TAOK3: variants seen among roughly 807,000 people sequenced by gnomAD.
TAOK3 encodes TAO kinase 3.
TAOK3 carries 40 observed loss-of-function variants against 120.4 expected under a neutral mutation model. That is an observed-to-expected ratio of 0.33 (90% confidence interval 0.26 to 0.43). TAOK3 has a LOEUF of 0.43. Among genes scored for constraint, TAOK3 ranks in the 20% least tolerant of loss-of-function variants. The pLI, the probability that TAOK3 is intolerant of heterozygous loss-of-function variation, is 1.00. For missense variants in TAOK3, 821 were observed against 1,112.1 expected (o/e 0.74, Z 3.72); for synonymous variants, 355 against 387.5 (o/e 0.92, Z 0.99).
chr12:118,351,783 T>C (rs2045168165), intron 1 of TAOK3, among the ~76,000 whole-genome samples: 4 of 152,002 alleles, frequency 2.6e-5, no homozygotes, highest in African/African-American at 9.6e-5. Context: ...AGGCACTTAA[T>C]TGTACTTAGG....
rs1048516245 is a variant in TAOK3, at chr12:118,201,390, C to T, written c.893G>A (p.Arg298His). The change falls in exon 12 of 21, where the codon CGT becomes CAT. Residue 298 changes from arginine to histidine, a missense_variant. Around this residue, in one of 2 missense-constraint regions of TAOK3, gnomAD observed 467 missense variants for 540.0 expected, o/e 0.86. Transcript: ENST00000392533. ...DLIQRTKDAV[R>H]ELDNLQYRKM... The stretch of plus-strand genomic sequence containing the variant: ...TCGGTACTGTAGGTTATCTAGCTCA[C>T]GAACTGCATCTTTTGTCCTCTGTAT... 4.3e-6 allele frequency: 7 copies of T among 1,614,064 alleles called. No individual in the cohort carries two copies. The highest frequency in any genetic ancestry group is 5.9e-6 in the Non-Finnish European group (7 of 1,179,966).
intron 11 of TAOK3, among the ~76,000 whole-genome samples, chr12:118,202,672 A>T (rs567145643): frequency 1.3e-5 from 2 of 152,278 alleles, no homozygotes; most frequent in African/African-American, 4.8e-5. Flanking sequence ...TCATATAAGT[A>T]ATAAAAAAAT....
At chr12:118,290,168 C>T (rs971131306) in intron 1 of TAOK3, among the ~76,000 whole-genome samples, 1 of 152,094 alleles carries the variant, frequency 6.6e-6, no homozygotes, top group Non-Finnish European at 1.5e-5. Flanking sequence ...CCCTTTAATC[C>T]TCATCATGTA....
rs1174812945 is a variant in TAOK3 at position 118,328,276 on chromosome 12, G to C, written c.-194+44372C>G. Among the ~76,000 whole-genome samples the C allele has an allele frequency of 2.0e-5, 3 of 152,076 alleles. No homozygotes were observed. The South Asian group carries it at 6.2e-4, about 31-fold the overall frequency. ...GGATTTCACCATGTTGGCCAGGCTGGTCTCGAACTCCTGACCTCTAGTGAT... is the reference window on the plus strand; with the variant it reads ...GGATTTCACCATGTTGGCCAGGCTGCTCTCGAACTCCTGACCTCTAGTGAT... On this transcript the variant is annotated intron_variant, in intron 1 of 20. Transcript: ENST00000392533.
At chr12:118,188,953 C>G (rs879685003) in intron 14 of TAOK3, among the ~76,000 whole-genome samples, 4 of 150,690 alleles carry the variant, frequency 2.7e-5, no homozygotes, top group Admixed American at 2.6e-4. Flanking sequence ...TGAGTGTGAG[C>G]GCGCACGCGC....
Position 118,255,524 on chromosome 12 carries a change from A to T in TAOK3, c.44T>A (p.Phe15Tyr). 1.2e-6 allele frequency: 2 copies of T among 1,614,186 alleles called. No homozygotes were observed. The highest frequency in any genetic ancestry group is 1.7e-6 in the Non-Finnish European group (2 of 1,180,028). ...AAGTTCCTCAGGATCATCTTTGTAG[A>T]ATAGATCGGCAATCTCTGGGTCCTT... ...VLKDPEIADLFYKDDPEELFI... is the reference protein window; with the variant it reads ...VLKDPEIADLYYKDDPEELFI... The change falls in exon 3 of 21, where the codon TTC becomes TAC. Residue 15 changes from phenylalanine to tyrosine, a missense_variant. By Grantham distance (22) the Phe-to-Tyr change is conservative. Around this residue, in one of 2 missense-constraint regions of TAOK3, gnomAD observed 467 missense variants for 540.0 expected, o/e 0.86. Coordinates refer to ENST00000392533, the MANE Select transcript of TAOK3 (RefSeq NM_016281.4).
intron 14 of TAOK3, among the ~76,000 whole-genome samples, chr12:118,182,599 GTATATATATA>G (rs1212615187): frequency 1.1e-5 from 1 of 93,918 alleles, no homozygotes; most frequent in South Asian, 4.3e-4. Context: ...GTGTGTGTGT[GTATATATATA>G]TATATATATA....
intron 1 of TAOK3, among the ~76,000 whole-genome samples, chr12:118,272,054 C>T (rs915467698): frequency 5.9e-5 from 9 of 152,098 alleles, no homozygotes; most frequent in Non-Finnish European, 1.2e-4. Context: ...TAATTTTCTT[C>T]GCAAACACTT....
intron 9 of TAOK3, among the ~76,000 whole-genome samples, chr12:118,215,796 G>A (rs1021697233): frequency 6.6e-6 from 1 of 152,092 alleles, no homozygotes; most frequent in Non-Finnish European, 1.5e-5. Flanking sequence ...CACAATCAGG[G>A]CTCACAATAG....
Position 118,308,930 on chromosome 12 carries a change from C to CAA in TAOK3, c.-193-42172_-193-42171insTT, listed in dbSNP as rs1208470509. Among the ~76,000 whole-genome samples the CAA allele has an allele frequency of 1.4e-3, 51 of 36,728 alleles. 1 individual carries two copies. Among genetic ancestry groups the CAA allele is most frequent in the Non-Finnish European group, 1.9e-3 (40 of 20,968 alleles). 24.1% of individuals were successfully genotyped at this position (36,728 alleles called of 152,430 possible). A position where few individuals can be genotyped will look rare whatever the true frequency, so the allele number is the denominator to read the frequency against. Reference sequence around the variant, plus strand: ...GGGGAACAGCAGCGAAACTCTGTCTCCAAAAAAAAAAAAAAAAAAAAAAAA... The same window carrying CAA: ...GGGGAACAGCAGCGAAACTCTGTCTCAACAAAAAAAAAAAAAAAAAAAAAAAA... On this transcript the variant is annotated intron_variant, in intron 1 of 20. Coordinates refer to ENST00000392533, the MANE Select transcript of TAOK3 (RefSeq NM_016281.4).
In TAOK3 at chr12:118,346,221, G is replaced by A. The variant is rs1395114901; in HGVS notation, c.-194+26427C>T. 2.6e-5 allele frequency among the ~76,000 whole-genome samples: 4 copies of A among 152,296 alleles called. No homozygotes were observed. In the East Asian group the frequency reaches 7.7e-4, roughly 29 times the overall value. ...CAGGGACTTCTCACCACTTTGTTGA[G>A]AAGAGGAGAAAGGGTTAAGGGTAAT... On this transcript the variant is annotated intron_variant, in intron 1 of 20. Transcript: ENST00000392533.
In TAOK3 at chr12:118,161,710, G is replaced by A; in HGVS notation, c.2139+78C>T. The A allele has an allele frequency of 6.4e-7, 1 of 1,561,836 alleles. No homozygotes were observed. The highest frequency in any genetic ancestry group is 8.7e-7 in the Non-Finnish European group (1 of 1,148,482). On this transcript the variant is annotated intron_variant, in intron 18 of 20. Transcript: ENST00000392533. This position sits in a 1 kb window ranked among gnomAD's most constrained non-coding sequence, Gnocchi z 4.5. ...GTGCAGAAATTTGTGATTCTGAAAA[G>A]TTGCTCAGGTGACTCTGACACTTCA... is the stretch of plus-strand genomic sequence containing the variant.
At chr12:118,230,744 T>C (rs2039740219) in intron 9 of TAOK3, among the ~76,000 whole-genome samples, 2 of 152,054 alleles carry the variant, frequency 1.3e-5, no homozygotes, top group South Asian at 2.1e-4. Flanking sequence ...GCCGAGATTA[T>C]AGGCGTGAGC....
rs377072006 is a variant in TAOK3 at position 118,244,527 on chromosome 12, C to CTTTTTTTTT, written c.192+366_192+367insAAAAAAAAA. Among the ~76,000 whole-genome samples, 176 of 129,538 alleles carry CTTTTTTTTT rather than the reference C, an allele frequency of 1.4e-3. 16 individuals are homozygous for CTTTTTTTTT. The highest frequency in any genetic ancestry group is 2.0e-3 in the Non-Finnish European group (121 of 61,960). 85.0% of individuals were successfully genotyped at this position (129,538 alleles called of 152,430 possible). A position where few individuals can be genotyped will look rare whatever the true frequency, so the allele number is the denominator to read the frequency against. Reference sequence around the variant, plus strand: ...AAAGAATTTTGTTAATTTCTTTTTTCTTTTTCTTTTTTTTTTTTTGAGACA... The same window carrying CTTTTTTTTT: ...AAAGAATTTTGTTAATTTCTTTTTTCTTTTTTTTTTTTTTCTTTTTTTTTTTTTGAGACA... On this transcript the variant is annotated intron_variant, in intron 4 of 20. Transcript: ENST00000392533.
intron 8 of TAOK3, 76 bp downstream of exon 8, chr12:118,235,482 C>G: frequency 7.5e-6 from 9 of 1,203,506 alleles, no homozygotes; most frequent in Non-Finnish European, 1.1e-5. Context: ...GTCACAAAAC[C>G]AAGCCAAACC....
At chr12:118,223,756 GCAT>G (rs1372317349) in intron 9 of TAOK3, among the ~76,000 whole-genome samples, 2 of 150,984 alleles carry the variant, frequency 1.3e-5, no homozygotes, top group African/African-American at 4.9e-5. Flanking sequence ...CAATTCCCAT[GCAT>G]CAGCCTCCCA....
chr12:118,166,147 G>A (rs980825466), intron 17 of TAOK3, among the ~76,000 whole-genome samples: 1 of 152,144 alleles, frequency 6.6e-6, no homozygotes, highest in Non-Finnish European at 1.5e-5. Flanking sequence ...TAGGCATTTG[G>A]GAGTTGAAGG....
At chr12:118,185,913 T>TA (rs1273018996) in intron 14 of TAOK3, among the ~76,000 whole-genome samples, 4 of 152,190 alleles carry the variant, frequency 2.6e-5, no homozygotes, top group Non-Finnish European at 5.9e-5. Flanking sequence ...AGTAAAGAGA[T>TA]ATGCAATATT....
intron 9 of TAOK3, among the ~76,000 whole-genome samples, chr12:118,232,566 A>G (rs1188505916): frequency 2.6e-5 from 4 of 152,154 alleles, no homozygotes; most frequent in Non-Finnish European, 5.9e-5. Context: ...GCTATTTTGT[A>G]TTTCATTTGT....
Sources: gnomAD v4.1 joint callset for allele counts (sites outside exome capture counted in the v4.1 genomes callset) on GRCh38, gnomAD v4.1.1 for gene constraint, gnomAD v4.1.1 regional missense constraint, Gnocchi (gnomAD v3.1) non-coding constraint, MANE v1.5 for transcripts, NCBI Gene and HGNC (gene_info 2026-07-23, HGNC 2026-07-21) for gene names.